Variants in FAS observed in about 807,000 individuals in gnomAD.
FAS encodes the protein tumor necrosis factor receptor superfamily member 6.
In FAS, 5 loss-of-function variants were observed where a neutral mutation model predicts 33.2. The ratio of observed to expected loss-of-function variants is 0.15; its 90% CI spans 0.08 to 0.32. The LOEUF (loss-of-function observed/expected upper bound fraction) is 0.32, where lower values mean the gene tolerates loss of function less well. Ranked by LOEUF, FAS falls within the 10% of genes least tolerant of loss-of-function variation. The pLI is 1.00. For synonymous variants in FAS, 131 were observed against 130.7 expected, an observed-to-expected ratio of 1.00 and a Z score of -0.01; for missense variants, 339 against 386.0, an observed-to-expected ratio of 0.88 and a Z score of 1.02.
At chr10:88,993,377 C>G (rs7076197) in intron 1 of FAS, among the ~76,000 whole-genome samples, 1 of 151,884 alleles carries the variant, frequency 6.6e-6, no homozygotes, top group Non-Finnish European at 1.5e-5. Context: ...GAAAGTCCCT[C>G]GCTCAGAAAT....
rs770665999 is a variant in FAS at position 89,011,987 on chromosome 10, T to C, written c.569-12T>C. ...TGAGACCTGAGTTGATAAAATTTCTTTGTTCTTTCAGTGAAGAGAAAGGAA... is the reference window on the plus strand; with the variant it reads ...TGAGACCTGAGTTGATAAAATTTCTCTGTTCTTTCAGTGAAGAGAAAGGAA... On this transcript the variant is annotated splice_polypyrimidine_tract_variant and intron_variant, in intron 6 of 8. Transcript: ENST00000652046. 6.2e-6 allele frequency: 10 copies of C among 1,612,624 alleles called. No individual in the cohort carries two copies. Among genetic ancestry groups the C allele is most frequent in the Admixed American group, 5.0e-5 (3 of 59,966 alleles).
intron 1 of FAS, among the ~76,000 whole-genome samples, chr10:88,998,831 A>G (rs7911752): frequency 0.4 from 60,542 of 151,972 alleles, 12,298 homozygotes; most frequent in East Asian, 0.51. Flanking sequence ...AGCTAACTGG[A>G]TGCTTTGCTG....
intron 3 of FAS, among the ~76,000 whole-genome samples, 164 bp from the exon 4 acceptor site, chr10:89,008,725 G>A (rs1848372503): frequency 1.3e-5 from 2 of 152,136 alleles, no homozygotes; most frequent in African/African-American, 4.8e-5. Context: ...TTCAACCTGG[G>A]GTTTCCTGTT....
At chr10:88,999,089 C>G (rs1358945115) in intron 1 of FAS, among the ~76,000 whole-genome samples, 2 of 151,488 alleles carry the variant, frequency 1.3e-5, no homozygotes, top group African/African-American at 2.4e-5. Flanking sequence ...GGAGGCGGAG[C>G]TTGCAGTGAG....
chr10:89,007,962 G>T (rs1848328630), intron 3 of FAS, 125 bp downstream of exon 3: 3 of 1,447,238 alleles, frequency 2.1e-6, no homozygotes, highest in Non-Finnish European at 2.9e-6. Context: ...GGGAAGGACA[G>T]GTGGCTAGGG....
rs1470577555 is a variant in FAS, at chr10:89,013,362, T to A, written c.671T>A (p.Leu224Ter). The A allele has an allele frequency of 6.2e-7, 1 of 1,612,182 alleles. No homozygotes were observed. ...TLNPETVAIN[L>*]SDVDLSKYIT... ...TTCTAGGAAACAGTGGCAATAAATT[T>A]ATCTGGTAAGGCTTTTATCATTTTA... The change falls in exon 8 of 9, where the codon TTA becomes TAA. Residue 224 changes from leucine to a stop codon, truncating the protein, a stop_gained. Coordinates refer to ENST00000652046, the MANE Select transcript of FAS (RefSeq NM_000043.6). LOFTEE classifies it low-confidence loss of function (END_TRUNC).
intron 4 of FAS, 116 bp from the exon 5 acceptor site, chr10:89,010,423 G>A (rs1323579419): frequency 1.0e-5 from 8 of 790,808 alleles, no homozygotes; most frequent in African/African-American, 3.5e-5. Context: ...GAAGGAATAC[G>A]TTTGCCAGAG....
chr10:89,010,772 G>C lies in FAS; in HGVS notation c.525G>C (p.Gly175=), dbSNP rs546707744. ...CKEEGSRSNL[G]WLCLLLLPIP... is the part of the protein sequence containing the mutation. ...CTACAGGATCCAGATCTAACTTGGG[G>C]TGGCTTTGTCTTCTTCTTTTGCCAA... Residue 175 remains glycine (G), a synonymous_variant, in exon 6 of 9, where the codon GGG becomes GGC. Coordinates refer to ENST00000652046, the MANE Select transcript of FAS (RefSeq NM_000043.6). 6.2e-7 allele frequency: 1 copy of C among 1,614,064 alleles called. No homozygotes were observed. The highest frequency in any genetic ancestry group is 1.3e-5 in the African/African-American group (1 of 75,038).
intron 1 of FAS, among the ~76,000 whole-genome samples, chr10:88,999,727 T>G (rs1246177493): frequency 6.6e-6 from 1 of 152,230 alleles, no homozygotes; most frequent in Admixed American, 6.5e-5. Flanking sequence ...TTATTCCTAG[T>G]TCAGTAACAG....
At chr10:89,012,516 G>T (rs2133542140) in intron 7 of FAS, among the ~76,000 whole-genome samples, 1 of 152,112 alleles carries the variant, frequency 6.6e-6, no homozygotes, top group South Asian at 2.1e-4. Flanking sequence ...GTGTTTGTGG[G>T]TGCATAGGTT....
chr10:88,968,446 A>G (rs995007062), intron 1 of FAS, among the ~76,000 whole-genome samples: 1 of 152,216 alleles, frequency 6.6e-6, no homozygotes, highest in Non-Finnish European at 1.5e-5. Flanking sequence ...CATGACAACA[A>G]TAACTTTATC....
At chr10:88,986,921 T>C (rs576382323), upstream of FAS, among the ~76,000 whole-genome samples, 2 of 152,340 alleles carry the variant, frequency 1.3e-5, no homozygotes, top group Admixed American at 6.5e-5. Context: ...TAGTATTTAT[T>C]GTGTGTACTA....
At chr10:88,991,155 C>CGCTGGGCAG (rs1413646472) in intron 1 of FAS, 2 of 596,038 alleles carry the variant, frequency 3.4e-6, no homozygotes, top group Non-Finnish European at 6.0e-6. Context: ...GTGCTGACCC[C>CGCTGGGCAG]GCTGGGCAGG....
chr10:88,969,024 A>G (rs7088326), intron 1 of FAS, among the ~76,000 whole-genome samples: 62,088 of 151,826 alleles, frequency 0.41, 14,185 homozygotes, highest in Non-Finnish European at 0.52. Flanking sequence ...TAGGTAGAAG[A>G]TCCTCCTAAA....
intron 1 of FAS, chr10:88,991,524 A>G (rs999420819): frequency 1.2e-5 from 2 of 160,844 alleles, no homozygotes; most frequent in East Asian, 1.7e-4. Context: ...AAAAAGTTAT[A>G]TGGGGGCTGA....
At chr10:88,981,951 A>C (rs563465909), upstream of FAS, among the ~76,000 whole-genome samples, 6 of 152,224 alleles carry the variant, frequency 3.9e-5, no homozygotes, top group Non-Finnish European at 8.8e-5. Context: ...AGTTACCTCT[A>C]TGTGAATCAG....
upstream of FAS, among the ~76,000 whole-genome samples, chr10:88,987,398 C>A (rs1846933577): frequency 6.6e-6 from 1 of 152,078 alleles, no homozygotes; most frequent in Non-Finnish European, 1.5e-5. Context: ...TTTGGGTGGT[C>A]CAGGGTTCAA....
At chr10:89,013,478 A>G in intron 8 of FAS, 111 bp downstream of exon 8, 1 of 1,064,166 alleles carries the variant, frequency 9.4e-7, no homozygotes. Flanking sequence ...GGATCTTGTT[A>G]TTTCTCATAC....
In FAS at chr10:89,007,845, T is replaced by A; in HGVS notation, c.334+8T>A. ...TGTGTGATGAAGGACATGGTAAGAG[T>A]CTTAAAATGCAATTGAAAGAGGCCA... On this transcript the variant is annotated splice_region_variant and intron_variant, in intron 3 of 8. Transcript: ENST00000652046. 1 of 1,613,400 alleles carries A rather than the reference T, an allele frequency of 6.2e-7. No homozygotes were observed. Among genetic ancestry groups the A allele is most frequent in the South Asian group, 1.1e-5 (1 of 91,058 alleles).
Sources: allele counts gnomAD v4.1 joint callset (sites outside exome capture counted in the v4.1 genomes callset), GRCh38; gene constraint gnomAD v4.1.1; transcripts MANE v1.5; gene names NCBI Gene and HGNC (gene_info 2026-07-23, HGNC 2026-07-21).